The following MACROD2 variants were observed in gnomAD, a reference collection of about 807,000 sequenced individuals.
The protein encoded by MACROD2 is ADP-ribose glycohydrolase MACROD2.
A neutral mutation model predicts 70.4 loss-of-function variants in MACROD2; 36 were observed. That is an observed-to-expected ratio of 0.51 (90% CI 0.39 to 0.68). MACROD2 has a LOEUF of 0.68. Among genes scored for constraint, MACROD2 ranks in the 30% least tolerant of loss-of-function variants. MACROD2 has a pLI of 0.00. For missense variants in MACROD2, 496 were observed against 538.4 expected (o/e 0.92, Z 0.78); for synonymous variants, 172 against 178.8 (o/e 0.96, Z 0.30).
At chr20:14,009,181 A>C (rs1226076796) in intron 2 of MACROD2, among the ~76,000 whole-genome samples, 1 of 152,318 alleles carries the variant, frequency 6.6e-6, no homozygotes, top group East Asian at 1.9e-4. Context: ...CAGAGAACCT[A>C]CAGAATGGGA....
chr20:15,306,673 T>C (rs1039730495), intron 6 of MACROD2, among the ~76,000 whole-genome samples: 2 of 152,122 alleles, frequency 1.3e-5, no homozygotes, highest in Non-Finnish European at 2.9e-5. Flanking sequence ...AGAAAGGACT[T>C]CCCTGTGTGC....
intron 5 of MACROD2, among the ~76,000 whole-genome samples, chr20:14,685,337 CT>C (rs2070988923): frequency 6.6e-6 from 1 of 152,044 alleles, no homozygotes; most frequent in South Asian, 2.1e-4. Context: ...GTTCAGGTTT[CT>C]TGATTGTGGA....
At chr20:14,250,605 A>G (rs1255101163) in intron 3 of MACROD2, among the ~76,000 whole-genome samples, 2 of 152,184 alleles carry the variant, frequency 1.3e-5, no homozygotes, top group Non-Finnish European at 2.9e-5. Context: ...GGGGAATTGT[A>G]GATGGATCAG....
At chr20:15,042,617 A>G (rs1021820817) in intron 5 of MACROD2, among the ~76,000 whole-genome samples, 1 of 152,204 alleles carries the variant, frequency 6.6e-6, no homozygotes, top group African/African-American at 2.4e-5. Context: ...CAGGATAGGT[A>G]TCTTTTACCC....
intron 8 of MACROD2, among the ~76,000 whole-genome samples, chr20:15,814,432 C>G (rs555251214): frequency 6.6e-6 from 1 of 152,254 alleles, no homozygotes; most frequent in African/African-American, 2.4e-5. Context: ...TCTTATACAC[C>G]ACATCTCAGA....
intron 3 of MACROD2, chr20:14,326,000 G>A (rs1349623689): frequency 6.2e-7 from 1 of 1,613,816 alleles, no homozygotes; most frequent in East Asian, 2.2e-5. Context: ...ATTCGAAGGG[G>A]TGCAGTTTCA....
intron 4 of MACROD2, among the ~76,000 whole-genome samples, chr20:14,671,651 A>G (rs572352124): frequency 6.6e-5 from 10 of 152,278 alleles, no homozygotes; most frequent in South Asian, 2.1e-4. Flanking sequence ...TATTTATTCT[A>G]TTATACTTAT....
chr20:15,451,088 G>A (rs1359029002), intron 7 of MACROD2, among the ~76,000 whole-genome samples: 1 of 152,022 alleles, frequency 6.6e-6, no homozygotes, highest in East Asian at 1.9e-4. Flanking sequence ...AAGTTATTTT[G>A]CAATAGCTAT....
At chr20:16,020,156 G>T (rs2066982044) in intron 15 of MACROD2, among the ~76,000 whole-genome samples, 1 of 152,082 alleles carries the variant, frequency 6.6e-6, no homozygotes, top group Admixed American at 6.6e-5. Flanking sequence ...ACAAAGGCTG[G>T]TTCCTGTTGC....
chr20:14,449,674 G>A (rs969191455), intron 3 of MACROD2, among the ~76,000 whole-genome samples: 3 of 152,096 alleles, frequency 2.0e-5, no homozygotes, highest in Admixed American at 2.0e-4. Flanking sequence ...AGATGGTACA[G>A]GTACTCTATA....
chr20:14,860,411 G>C (rs2073302040), intron 5 of MACROD2, among the ~76,000 whole-genome samples: 1 of 152,012 alleles, frequency 6.6e-6, no homozygotes, highest in African/African-American at 2.4e-5. Context: ...CCTTTGTGAA[G>C]CTGGGTGGGG....
intron 3 of MACROD2, among the ~76,000 whole-genome samples, chr20:14,430,074 C>A (rs1345501263): frequency 6.6e-6 from 1 of 152,126 alleles, no homozygotes; most frequent in Non-Finnish European, 1.5e-5. Context: ...GGTTTGTTAG[C>A]GTTGGAGAAA....
At chr20:15,032,723 T>C (rs192482477) in intron 5 of MACROD2, among the ~76,000 whole-genome samples, 51 of 152,358 alleles carry the variant, frequency 3.3e-4, no homozygotes, top group Admixed American at 1.4e-3. Flanking sequence ...TTTCACTTTT[T>C]GGCATATACC....
intron 13 of MACROD2, among the ~76,000 whole-genome samples, chr20:15,983,816 G>C (rs995613219): frequency 6.6e-6 from 1 of 152,122 alleles, no homozygotes; most frequent in Non-Finnish European, 1.5e-5. Context: ...ATTTCAACCA[G>C]GCATTTGCAT....
chr20:14,687,307 A>G (rs1161532763), intron 5 of MACROD2, among the ~76,000 whole-genome samples: 2 of 152,204 alleles, frequency 1.3e-5, no homozygotes, highest in African/African-American at 4.8e-5. Flanking sequence ...GAATCATTAA[A>G]TACGCCCAAA....
chr20:15,416,136 G>T (rs989064134), intron 6 of MACROD2, among the ~76,000 whole-genome samples: 1 of 152,092 alleles, frequency 6.6e-6, no homozygotes, highest in African/African-American at 2.4e-5. Flanking sequence ...TCCCCATCTT[G>T]TTCTTTTTGC....
Position 14,409,428 on chromosome 20 carries a change from T to TTTATTA in MACROD2, c.272-84036_272-84031dup, listed in dbSNP as rs3043706. 1.6e-3 allele frequency among the ~76,000 whole-genome samples: 243 copies of TTTATTA among 150,440 alleles called. 2 individuals carry two copies. The Middle Eastern group carries it at 0.028, about 17-fold the overall frequency. On this transcript the variant is annotated intron_variant, in intron 3 of 17. Transcript: ENST00000684519. Reference sequence around the variant, plus strand: ...TCATGAAACCCTATGTTATTGGTATTTTATTATTATTATTATTATTCCCTT... The same window carrying TTTATTA: ...TCATGAAACCCTATGTTATTGGTATTTTATTATTATTATTATTATTATTATTCCCTT...
intron 5 of MACROD2, among the ~76,000 whole-genome samples, chr20:14,996,697 AGAGTGCAGT>A (rs966259027): frequency 6.6e-6 from 1 of 152,102 alleles, no homozygotes; most frequent in African/African-American, 2.4e-5. Flanking sequence ...TGGGAAAAGG[AGAGTGCAGT>A]GATTGTAGGA....
At chr20:15,823,736 G>C (rs1185348974) in intron 8 of MACROD2, among the ~76,000 whole-genome samples, 1 of 152,172 alleles carries the variant, frequency 6.6e-6, no homozygotes, top group Admixed American at 6.5e-5. Flanking sequence ...GGGCAGGCTG[G>C]TCAAATGTAC....
Sources: allele counts gnomAD v4.1 joint callset (sites outside exome capture counted in the v4.1 genomes callset), GRCh38; gene constraint gnomAD v4.1.1; transcripts MANE v1.5; gene names NCBI Gene and HGNC (gene_info 2026-07-23, HGNC 2026-07-21).